The following MTA3 variants were observed in gnomAD, a reference collection of about 807,000 sequenced individuals.
The protein encoded by MTA3 is metastasis-associated protein MTA3.
MTA3 carries 34 observed loss-of-function variants against 83.5 expected under a neutral mutation model. The observed-to-expected ratio is 0.41, with a 90% CI of 0.31 to 0.54. MTA3 has a LOEUF of 0.54. Ranked by LOEUF, MTA3 falls within the 20% of genes least tolerant of loss-of-function variation. MTA3 has a pLI of 0.33. For missense variants in MTA3, 761 were observed against 726.4 expected (o/e 1.05, Z -0.55); for synonymous variants, 303 against 252.7 (o/e 1.20, Z -1.89).
chr2:42,733,078 C>T (rs536458069), intron 16 of MTA3, among the ~76,000 whole-genome samples: 91 of 152,328 alleles, frequency 6.0e-4, no homozygotes, highest in African/African-American at 2.0e-3. Flanking sequence ...GTTACAAAGT[C>T]GCTTCCACAT....
At chr2:42,729,113 T>TTC (rs1573784154) in intron 16 of MTA3, among the ~76,000 whole-genome samples, 2 of 142,472 alleles carry the variant, frequency 1.4e-5, no homozygotes, top group African/African-American at 2.7e-5. Flanking sequence ...TTTTTTTTTT[T>TTC]CACAGAGTCA....
intron 2 of MTA3, among the ~76,000 whole-genome samples, chr2:42,513,929 C>G (rs13399874): frequency 0.34 from 52,257 of 152,068 alleles, 9,311 homozygotes; most frequent in Middle Eastern, 0.47. Context: ...AATCCCAAGT[C>G]TAGGCCAGGC....
intron 16 of MTA3, among the ~76,000 whole-genome samples, chr2:42,747,258 C>T (rs1263774836): frequency 1.3e-5 from 2 of 152,056 alleles, no homozygotes; most frequent in Admixed American, 6.5e-5. Flanking sequence ...CCTCAGCCCC[C>T]GAAAGTGCTG....
At chr2:42,553,033 T>C (rs942512076) in intron 2 of MTA3, among the ~76,000 whole-genome samples, 1 of 151,788 alleles carries the variant, frequency 6.6e-6, no homozygotes, top group African/African-American at 2.4e-5. Flanking sequence ...TCCCAGCACT[T>C]TGGAAGGCCG....
At position 42,578,068 on chromosome 2, in the gene MTA3, A is replaced by C. The variant is rs180878528; in HGVS notation, c.97-1039A>C. Among the ~76,000 whole-genome samples, 70 of 152,340 alleles carry C rather than the reference A, an allele frequency of 4.6e-4. 1 individual carries two copies. The highest frequency in any genetic ancestry group is 8.3e-4 in the South Asian group (4 of 4,826). ...CACTGTTTCCACAGGACTATTTCTT[A>C]ATCTAAAATACGGCTGCTGGACTTC... is the stretch of plus-strand genomic sequence containing the variant. On this transcript the variant is annotated intron_variant, in intron 2 of 16. Transcript: ENST00000405094.
intron 16 of MTA3, among the ~76,000 whole-genome samples, chr2:42,750,700 G>A (rs1258902392): frequency 6.6e-6 from 1 of 152,192 alleles, no homozygotes; most frequent in Non-Finnish European, 1.5e-5. Flanking sequence ...CCATTCAGTA[G>A]ACATAGGTTC....
intron 2 of MTA3, among the ~76,000 whole-genome samples, chr2:42,573,797 C>T (rs947819605): frequency 6.6e-6 from 1 of 151,958 alleles, no homozygotes; most frequent in African/African-American, 2.4e-5. Context: ...AGGCGTGAGC[C>T]ACTGCCCCAG....
At chr2:42,661,160 T>C (rs1689663293) in intron 8 of MTA3, among the ~76,000 whole-genome samples, 1 of 152,252 alleles carries the variant, frequency 6.6e-6, no homozygotes, top group South Asian at 2.1e-4. Context: ...AATGGGTTTG[T>C]ATTTCAGTTG....
At chr2:42,578,688 G>C (rs1013031482) in intron 2 of MTA3, among the ~76,000 whole-genome samples, 1 of 152,144 alleles carries the variant, frequency 6.6e-6, no homozygotes, top group African/African-American at 2.4e-5. Flanking sequence ...GTTTGGACGA[G>C]GTGTGTTTAA....
chr2:42,588,798 T>A (rs574740643), intron 3 of MTA3, among the ~76,000 whole-genome samples: 1 of 83,166 alleles, frequency 1.2e-5, no homozygotes, highest in African/African-American at 5.8e-5. Flanking sequence ...TACACATGTA[T>A]GTATTATACA....
At chr2:42,623,129 C>G (rs1213854318) in intron 4 of MTA3, among the ~76,000 whole-genome samples, 1 of 152,188 alleles carries the variant, frequency 6.6e-6, no homozygotes, top group Non-Finnish European at 1.5e-5. Context: ...AGCAATAACT[C>G]AAGCATACCT....
At chr2:42,554,021 G>T (rs1677261045) in intron 2 of MTA3, among the ~76,000 whole-genome samples, 1 of 151,696 alleles carries the variant, frequency 6.6e-6, no homozygotes, top group Non-Finnish European at 1.5e-5. Flanking sequence ...ATCACCTGAG[G>T]TCAGGAGTTT....
intron 2 of MTA3, among the ~76,000 whole-genome samples, chr2:42,554,018 G>T (rs1677260848): frequency 6.6e-6 from 1 of 151,620 alleles, no homozygotes; most frequent in Admixed American, 6.6e-5. Context: ...TGGATCACCT[G>T]AGGTCAGGAG....
rs566478412 is a variant in MTA3, at chr2:42,577,836, T to C, written c.97-1271T>C. Among the ~76,000 whole-genome samples, 15 of 152,220 alleles carry C rather than the reference T, an allele frequency of 9.9e-5. No homozygotes were observed. In the East Asian group the frequency reaches 2.9e-3, roughly 29 times the overall value. The stretch of plus-strand genomic sequence containing the variant: ...TCACATTGAAAATCCAAAGCAGCAG[T>C]TTCAAGGCATATCTCAAGAAGACAG... On this transcript the variant is annotated intron_variant, in intron 2 of 16. Transcript: ENST00000405094.
rs368456527 is a variant in MTA3, at chr2:42,697,759, T to C, written c.967-17T>C. On this transcript the variant is annotated splice_polypyrimidine_tract_variant and intron_variant, in intron 10 of 16. Transcript: ENST00000405094. ...TAGGCATTGCATGTAAAATGTTTTA[T>C]TCATCTTTTGAATTAGAAACGTCTA... is the stretch of plus-strand genomic sequence containing the variant. 1.2e-4 allele frequency: 187 copies of C among 1,517,278 alleles called. No individual in the cohort carries two copies. The highest frequency in any genetic ancestry group is 1.5e-4 in the Non-Finnish European group (169 of 1,128,222). 94.0% of individuals were successfully genotyped at this position (1,517,278 alleles called of 1,614,324 possible).
intron 2 of MTA3, among the ~76,000 whole-genome samples, chr2:42,536,405 G>T (rs969637817): frequency 6.6e-6 from 1 of 150,792 alleles, no homozygotes; most frequent in Non-Finnish European, 1.5e-5. Context: ...AACCTGGGAG[G>T]CGGAGGTTGC....
rs777336252 is a variant in MTA3 at position 42,568,797 on chromosome 2, G to A, written c.28+24G>A. ...AGGTAGGCAGGCTCGGCCCGACCCGGCCCGTGTGGGAGCGGGTTCCGGGAG... is the reference window on the plus strand; with the variant it reads ...AGGTAGGCAGGCTCGGCCCGACCCGACCCGTGTGGGAGCGGGTTCCGGGAG... On this transcript the variant is annotated intron_variant, in intron 1 of 16. Coordinates refer to ENST00000405094, the MANE Select transcript of MTA3 (RefSeq NM_001330442.2). 2.1e-5 allele frequency: 26 copies of A among 1,215,508 alleles called. 1 individual carries two copies. In the South Asian group the frequency reaches 7.8e-4, roughly 37 times the overall value. The allele number at this position is 1,215,508 out of a possible 1,614,324, so 75.3% of individuals were successfully genotyped here. A position where few individuals can be genotyped will look rare whatever the true frequency, so the allele number is the denominator to read the frequency against.
intron 2 of MTA3, among the ~76,000 whole-genome samples, chr2:42,547,856 T>A (rs1676829212): frequency 6.6e-6 from 1 of 152,166 alleles, no homozygotes. Context: ...AACTGCCCTG[T>A]GGTCCTGACT....
chr2:42,665,285 G>A (rs1409544648), intron 8 of MTA3, among the ~76,000 whole-genome samples: 6 of 152,100 alleles, frequency 3.9e-5, no homozygotes, highest in African/African-American at 9.7e-5. Context: ...CCAGCTACTC[G>A]GGAGGCTGAG....
Sources: allele counts gnomAD v4.1 joint callset (sites outside exome capture counted in the v4.1 genomes callset), GRCh38; gene constraint gnomAD v4.1.1; transcripts MANE v1.5; gene names NCBI Gene and HGNC (gene_info 2026-07-23, HGNC 2026-07-21).